CACHD1: variants seen among roughly 807,000 people sequenced by gnomAD.
The protein encoded by CACHD1 is cache domain containing 1.
CACHD1 carries 71 observed loss-of-function variants against 138.7 expected under a neutral mutation model. That is an observed-to-expected ratio of 0.51 (90% CI 0.42 to 0.62). The LOEUF is 0.62. Among genes scored for constraint, CACHD1 ranks in the 20% least tolerant of loss-of-function variants. CACHD1 has a pLI of 0.00. For synonymous variants in CACHD1, 578 were observed against 591.5 expected, an observed-to-expected ratio of 0.98 and a Z score of 0.33; for missense variants, 1,389 against 1,625.3, an observed-to-expected ratio of 0.85 and a Z score of 2.50.
chr1:64,549,968 G>A (rs1646746786), intron 1 of CACHD1, among the ~76,000 whole-genome samples: 1 of 152,076 alleles, frequency 6.6e-6, no homozygotes, highest in Non-Finnish European at 1.5e-5. Context: ...TACCATCTAG[G>A]CAGGGACCAG....
intron 4 of CACHD1, among the ~76,000 whole-genome samples, chr1:64,611,917 C>A (rs1647546276): frequency 6.6e-6 from 1 of 152,192 alleles, no homozygotes; most frequent in Admixed American, 6.5e-5. Context: ...AGAAAAGAGG[C>A]TTAATTGACT....
intron 1 of CACHD1, among the ~76,000 whole-genome samples, chr1:64,484,632 C>T (rs1039262289): frequency 1.3e-5 from 2 of 152,196 alleles, no homozygotes; most frequent in African/African-American, 4.8e-5. Context: ...ACAATAATGC[C>T]CCATTCCTCC....
chr1:64,558,443 A>G (rs1215102474), intron 2 of CACHD1, among the ~76,000 whole-genome samples: 1 of 152,038 alleles, frequency 6.6e-6, no homozygotes, highest in Non-Finnish European at 1.5e-5. Context: ...CATGCTCCTG[A>G]TTTTCCTTTT....
intron 2 of CACHD1, 101 bp downstream of exon 2, chr1:64,550,757 T>C (rs1646752941): frequency 2.7e-6 from 2 of 743,332 alleles, no homozygotes; most frequent in Non-Finnish European, 4.6e-6. Flanking sequence ...TTTCCTGTTC[T>C]TTCTCTCTGT....
In CACHD1 at chr1:64,597,530, T is replaced by G. The variant is rs868791683; in HGVS notation, c.411-5276T>G. 2.5e-3 allele frequency among the ~76,000 whole-genome samples: 359 copies of G among 145,054 alleles called. 2 individuals carry two copies. Among genetic ancestry groups the G allele is most frequent in the African/African-American group, 8.6e-3 (331 of 38,266 alleles). ...AGGAAGTTTTTTTTTTGTTGTTTTT[T>G]TTTTTTTTTTTTTTTTTTTTAACTT... On this transcript the variant is annotated intron_variant, in intron 3 of 26. Transcript: ENST00000651257.
At chr1:64,561,368 A>C (rs2100484006) in intron 2 of CACHD1, among the ~76,000 whole-genome samples, 1 of 152,294 alleles carries the variant, frequency 6.6e-6, no homozygotes, top group East Asian at 1.9e-4. Context: ...CTTTTGCTCT[A>C]AATTGCCATA....
intron 9 of CACHD1, among the ~76,000 whole-genome samples, chr1:64,650,259 G>C (rs149813282): frequency 1.3e-3 from 204 of 152,226 alleles, no homozygotes; most frequent in Admixed American, 9.0e-3. Context: ...AAGCGAGCAG[G>C]CATCTCAGTC....
chr1:64,582,049 A>G (rs149079633), intron 2 of CACHD1, 107 bp from the exon 3 acceptor site: 98 of 1,285,412 alleles, frequency 7.6e-5, no homozygotes, highest in Non-Finnish European at 1.0e-4. Context: ...TTTTACTTGA[A>G]TTTTAATATA....
chr1:64,684,345 T>C (rs889020871), intron 26 of CACHD1, among the ~76,000 whole-genome samples: 6 of 148,950 alleles, frequency 4.0e-5, no homozygotes, highest in East Asian at 2.0e-4. Context: ...TTCTTTGTTT[T>C]TTCTTCTTCT....
chr1:64,680,487 G>GA (rs111606474), intron 24 of CACHD1, among the ~76,000 whole-genome samples: 47 of 142,286 alleles, frequency 3.3e-4, no homozygotes, highest in East Asian at 4.1e-4. Flanking sequence ...GACTCCATCT[G>GA]AAAAAAAAAA....
At chr1:64,587,690 A>G (rs1647061601) in intron 3 of CACHD1, among the ~76,000 whole-genome samples, 1 of 152,222 alleles carries the variant, frequency 6.6e-6, no homozygotes, top group Non-Finnish European at 1.5e-5. Flanking sequence ...ATCACTTAAA[A>G]CAACATAGTT....
intron 3 of CACHD1, among the ~76,000 whole-genome samples, chr1:64,595,154 G>T (rs1557510854): frequency 6.6e-6 from 1 of 152,140 alleles, no homozygotes; most frequent in Non-Finnish European, 1.5e-5. Flanking sequence ...TTAGTTGTTA[G>T]TGCCTCTCTT....
chr1:64,551,329 G>C (rs1449507713), intron 2 of CACHD1, among the ~76,000 whole-genome samples: 1 of 151,568 alleles, frequency 6.6e-6, no homozygotes, highest in Non-Finnish European at 1.5e-5. Flanking sequence ...GGCTTCAGAT[G>C]AACTGCCTCC....
At chr1:64,488,220 A>G (rs1315974911) in intron 1 of CACHD1, among the ~76,000 whole-genome samples, 1 of 152,226 alleles carries the variant, frequency 6.6e-6, no homozygotes, top group South Asian at 2.1e-4. Context: ...ATTAAAATCT[A>G]TTCGGGACAG....
rs570106530 is a variant in CACHD1, at chr1:64,610,075, C to T, written c.517+7163C>T. ...CAGGGAGGAAAAGCCCCTTATAAAA[C>T]GATCAGATCTCCTGAGAACTCACTT... On this transcript the variant is annotated intron_variant, in intron 4 of 26. Transcript: ENST00000651257. 1.6e-4 allele frequency among the ~76,000 whole-genome samples: 25 copies of T among 152,090 alleles called. 1 individual carries two copies. Among genetic ancestry groups the T allele is most frequent in the Non-Finnish European group, 3.2e-4 (22 of 68,026 alleles).
chr1:64,627,564 G>A (rs115880256), intron 4 of CACHD1, among the ~76,000 whole-genome samples: 396 of 152,162 alleles, frequency 2.6e-3, no homozygotes, highest in African/African-American at 9.2e-3. Context: ...GAGAAGAGGC[G>A]GGCACATGAC....
chr1:64,531,207 C>T (rs1294340090), intron 1 of CACHD1, among the ~76,000 whole-genome samples: 1 of 152,112 alleles, frequency 6.6e-6, no homozygotes, highest in African/African-American at 2.4e-5. Context: ...TTAAAGGAAA[C>T]ACTCTAGAGT....
intron 1 of CACHD1, among the ~76,000 whole-genome samples, chr1:64,520,050 AGTT>A (rs1269219115): frequency 6.6e-6 from 1 of 152,200 alleles, no homozygotes; most frequent in Admixed American, 6.5e-5. Context: ...GTCTTCTTTT[AGTT>A]GTTCTGCTCA....
At chr1:64,585,603 A>G (rs1315045852) in intron 3 of CACHD1, among the ~76,000 whole-genome samples, 1 of 152,228 alleles carries the variant, frequency 6.6e-6, no homozygotes, top group East Asian at 1.9e-4. Context: ...CTTGGGGTGG[A>G]TATTGGAAAA....
Sources: allele counts gnomAD v4.1 joint callset (sites outside exome capture counted in the v4.1 genomes callset), GRCh38; gene constraint gnomAD v4.1.1; transcripts MANE v1.5; gene names NCBI Gene and HGNC (gene_info 2026-07-23, HGNC 2026-07-21).